SYN3: variants seen among roughly 807,000 people sequenced by gnomAD.
The protein encoded by SYN3 is synapsin-3.
In SYN3, 35 loss-of-function variants were observed where a neutral mutation model predicts 65.8. The observed-to-expected ratio is 0.53, with a 90% CI of 0.41 to 0.70. The LOEUF (loss-of-function observed/expected upper bound fraction) is 0.70. Ranked by LOEUF, SYN3 falls within the 30% of genes least tolerant of loss-of-function variation. The probability of loss-of-function intolerance (pLI) is 0.00; values close to 1 mark genes in which losing one functional copy is unlikely to be tolerated. For synonymous variants in SYN3, 270 were observed against 292.9 expected, an observed-to-expected ratio of 0.92 and a Z score of 0.80; for missense variants, 680 against 749.0, an observed-to-expected ratio of 0.91 and a Z score of 1.08.
chr22:32,792,024 C>T (rs1306210961), intron 6 of SYN3, among the ~76,000 whole-genome samples: 3 of 152,154 alleles, frequency 2.0e-5, no homozygotes, highest in African/African-American at 7.2e-5. Flanking sequence ...TTCTCATTCA[C>T]CTTTATACCC....
chr22:32,797,794 A>G (rs1457562182), intron 6 of SYN3, among the ~76,000 whole-genome samples: 6 of 152,176 alleles, frequency 3.9e-5, no homozygotes, highest in Admixed American at 3.9e-4. Flanking sequence ...AAATGGCAGG[A>G]CCCATCTCCC....
At chr22:32,619,905 A>T (rs1001949446) in intron 6 of SYN3, among the ~76,000 whole-genome samples, 3 of 152,188 alleles carry the variant, frequency 2.0e-5, no homozygotes, top group Admixed American at 2.0e-4. Flanking sequence ...AAGAGTGCCT[A>T]CTCATCTCAG....
At chr22:32,536,196 G>GT (rs999250911) in intron 9 of SYN3, among the ~76,000 whole-genome samples, 1 of 152,192 alleles carries the variant, frequency 6.6e-6, no homozygotes, top group African/African-American at 2.4e-5. Context: ...CGACTGTCCC[G>GT]TGAACACCTG....
chr22:32,725,038 A>C (rs542086088), intron 6 of SYN3, among the ~76,000 whole-genome samples: 2 of 152,238 alleles, frequency 1.3e-5, no homozygotes, highest in Non-Finnish European at 2.9e-5. Flanking sequence ...GATCGTTTGA[A>C]TCTAGAAGGT....
chr22:32,969,797 A>G (rs2051962244), intron 3 of SYN3, among the ~76,000 whole-genome samples: 1 of 152,198 alleles, frequency 6.6e-6, no homozygotes, highest in African/African-American at 2.4e-5. Flanking sequence ...TTCACTCAAC[A>G]AACATTCATT....
intron 2 of SYN3, among the ~76,000 whole-genome samples, chr22:32,991,357 A>AATAATAATAATAATG (rs1243415124): frequency 5.5e-4 from 82 of 148,396 alleles, no homozygotes; most frequent in African/African-American, 2.0e-3. Context: ...TAATAATAAT[A>AATAATAATAATAATG]ATAATAATAA....
intron 4 of SYN3, among the ~76,000 whole-genome samples, chr22:32,877,389 T>C (rs1244876127): frequency 6.6e-6 from 1 of 152,200 alleles, no homozygotes; most frequent in Non-Finnish European, 1.5e-5. Context: ...CTATTGGTGA[T>C]GGAACCATGA....
intron 6 of SYN3, among the ~76,000 whole-genome samples, chr22:32,723,600 A>T (rs2061149370): frequency 6.6e-6 from 1 of 152,240 alleles, no homozygotes; most frequent in Non-Finnish European, 1.5e-5. Flanking sequence ...GACTATTTTC[A>T]GGAGATGAAC....
chr22:32,585,200 CT>C (rs2059005686), intron 7 of SYN3, among the ~76,000 whole-genome samples: 1 of 152,192 alleles, frequency 6.6e-6, no homozygotes, highest in African/African-American at 2.4e-5. Flanking sequence ...TCCTCCTTCT[CT>C]TTCCTTATTC....
chr22:32,565,672 G>A (rs1194941697), intron 7 of SYN3, among the ~76,000 whole-genome samples: 3 of 149,960 alleles, frequency 2.0e-5, no homozygotes, highest in Non-Finnish European at 4.4e-5. Flanking sequence ...ATGCACCACC[G>A]TGCCTGGCTA....
At position 32,512,578 on chromosome 22, in the gene SYN3, T is replaced by C. The variant is rs542976699; in HGVS notation, c.*1114A>G. 1 of 152,358 alleles carries C rather than the reference T, an allele frequency of 6.6e-6. No homozygotes were observed. Among genetic ancestry groups the C allele is most frequent in the East Asian group, 1.9e-4 (1 of 5,190 alleles). The allele number at this position is 152,358 out of a possible 1,614,324, so 9.4% of individuals were successfully genotyped here. ...TTGGATTTAACAAAGCTGATTTCTT[T>C]CCTGCAGGAATTCCGAAAGCCTTTG... On this transcript the variant is annotated 3_prime_UTR_variant, in exon 14 of 14. Coordinates refer to ENST00000358763, the MANE Select transcript of SYN3 (RefSeq NM_003490.4).
chr22:32,986,668 T>C (rs144313763), intron 2 of SYN3, among the ~76,000 whole-genome samples: 106 of 152,306 alleles, frequency 7.0e-4, no homozygotes, highest in African/African-American at 2.5e-3. Context: ...TGTAATTGAC[T>C]GGCTGTTTGA....
At chr22:32,809,049 A>T (rs925567412) in intron 6 of SYN3, among the ~76,000 whole-genome samples, 14 of 152,202 alleles carry the variant, frequency 9.2e-5, no homozygotes, top group Admixed American at 7.9e-4. Flanking sequence ...CCTGCAGGAG[A>T]TCACAAACAT....
chr22:33,045,304 G>A (rs1352244118), intron 1 of SYN3, among the ~76,000 whole-genome samples: 1 of 152,048 alleles, frequency 6.6e-6, no homozygotes, highest in African/African-American at 2.4e-5. Flanking sequence ...ACTGCTTAGA[G>A]TAAATCTCCT....
chr22:32,597,155 T>G (rs1299080614), intron 6 of SYN3, among the ~76,000 whole-genome samples: 1 of 151,012 alleles, frequency 6.6e-6, no homozygotes, highest in Non-Finnish European at 1.5e-5. Flanking sequence ...TGGCACTCAG[T>G]GAATGGAAGC....
chr22:32,616,939 C>T (rs531393086), intron 6 of SYN3, among the ~76,000 whole-genome samples: 1 of 151,952 alleles, frequency 6.6e-6, no homozygotes, highest in Non-Finnish European at 1.5e-5. Context: ...GGACACAAGG[C>T]CCAAAGGTGT....
chr22:32,791,848 C>A (rs1037851992), intron 6 of SYN3, among the ~76,000 whole-genome samples: 1 of 152,026 alleles, frequency 6.6e-6, no homozygotes, highest in Non-Finnish European at 1.5e-5. Flanking sequence ...CCAGTAGGCA[C>A]TCTATAGGAA....
intron 6 of SYN3, among the ~76,000 whole-genome samples, chr22:32,753,085 G>A (rs2145667226): frequency 6.6e-6 from 1 of 152,214 alleles, no homozygotes; most frequent in South Asian, 2.1e-4. Flanking sequence ...AGAGCCCCTC[G>A]GGGCCCCTGA....
chr22:32,518,586 T>C (rs1025472643), intron 12 of SYN3: 41 of 632,512 alleles, frequency 6.5e-5, no homozygotes, highest in Non-Finnish European at 1.0e-4. Flanking sequence ...ATACTGTTGA[T>C]AACATATGCT....
Sources: allele counts gnomAD v4.1 joint callset (sites outside exome capture counted in the v4.1 genomes callset), GRCh38; gene constraint gnomAD v4.1.1; transcripts MANE v1.5; gene names NCBI Gene and HGNC (gene_info 2026-07-23, HGNC 2026-07-21).